The following ATP8A2 variants were observed in gnomAD, a reference collection of about 807,000 sequenced individuals.
ATP8A2 encodes the protein ATPase phospholipid transporting 8A2.
In ATP8A2, 100 loss-of-function variants were observed where a neutral mutation model predicts 165.6. The ratio of observed to expected loss-of-function variants is 0.60; its 90% CI spans 0.51 to 0.71. The LOEUF (loss-of-function observed/expected upper bound fraction) is 0.71. Ranked by LOEUF, ATP8A2 falls within the 30% of genes least tolerant of loss-of-function variation. The pLI is 0.00. For missense variants in ATP8A2, 1,227 were observed against 1,479.5 expected, an observed-to-expected ratio of 0.83 and a Z score of 2.80; for synonymous variants, 543 against 548.8, an observed-to-expected ratio of 0.99 and a Z score of 0.15.
chr13:25,429,279 A>G (rs1263260423), intron 1 of ATP8A2, among the ~76,000 whole-genome samples: 1 of 149,204 alleles, frequency 6.7e-6, no homozygotes, highest in Non-Finnish European at 1.5e-5. Context: ...CTGAGGCAGG[A>G]GAATTGCTGG....
In ATP8A2 at chr13:25,750,304, A is replaced by G. The variant is rs1356203578; in HGVS notation, c.2385-18742A>G. 1.3e-5 allele frequency among the ~76,000 whole-genome samples: 2 copies of G among 152,174 alleles called. No individual in the cohort carries two copies. The highest frequency in any genetic ancestry group is 2.9e-5 in the Non-Finnish European group (2 of 68,034). On this transcript the variant is annotated intron_variant, in intron 25 of 36. Coordinates refer to ENST00000381655, the MANE Select transcript of ATP8A2 (RefSeq NM_016529.6). This position sits in a 1 kb window ranked among gnomAD's most constrained non-coding sequence, Gnocchi z 4.3. The stretch of plus-strand genomic sequence containing the variant: ...GAGTTTTCAGGAGACCAAATAAAAT[A>G]GTACACATCTGTGTGTAGTTACCAA...
chr13:25,585,114 G>T (rs2138265030), intron 23 of ATP8A2, among the ~76,000 whole-genome samples: 1 of 152,320 alleles, frequency 6.6e-6, no homozygotes, highest in African/African-American at 2.4e-5. Flanking sequence ...CCAGTGAATT[G>T]TATGTAGATA....
intron 25 of ATP8A2, among the ~76,000 whole-genome samples, chr13:25,751,555 GC>G (rs2044154092): frequency 6.6e-6 from 1 of 152,040 alleles, no homozygotes; most frequent in African/African-American, 2.4e-5. Flanking sequence ...TCCTGCCTCA[GC>G]CTCCTGAGTA....
intron 25 of ATP8A2, among the ~76,000 whole-genome samples, chr13:25,753,143 G>A (rs1440079204): frequency 6.6e-6 from 1 of 152,152 alleles, no homozygotes; most frequent in Non-Finnish European, 1.5e-5. Context: ...GGCATGGGGC[G>A]CTGCTGATCA....
chr13:25,692,355 A>G (rs564131278), intron 24 of ATP8A2, among the ~76,000 whole-genome samples: 1 of 152,286 alleles, frequency 6.6e-6, no homozygotes, highest in South Asian at 2.1e-4. Flanking sequence ...CAGGACATCA[A>G]AGTGAGGGCT....
intron 27 of ATP8A2, among the ~76,000 whole-genome samples, chr13:25,802,106 T>C (rs940935717): frequency 6.6e-6 from 1 of 152,208 alleles, no homozygotes; most frequent in Non-Finnish European, 1.5e-5. Context: ...CATGGTAACC[T>C]ACGTTAGAGA....
intron 35 of ATP8A2, among the ~76,000 whole-genome samples, chr13:25,993,917 C>T (rs1278816064): frequency 6.6e-6 from 1 of 152,124 alleles, no homozygotes; most frequent in African/African-American, 2.4e-5. Context: ...ATCTGTATAT[C>T]AATTTGGAGA....
At chr13:25,464,915 C>G in intron 1 of ATP8A2, among the ~76,000 whole-genome samples, 1 of 152,348 alleles carries the variant, frequency 6.6e-6, no homozygotes, top group South Asian at 2.1e-4. Flanking sequence ...TCTGCCCTCA[C>G]GGCCTTGACC....
intron 24 of ATP8A2, among the ~76,000 whole-genome samples, chr13:25,638,580 A>G (rs2137551555): frequency 6.6e-6 from 1 of 152,344 alleles, no homozygotes; most frequent in Non-Finnish European, 1.5e-5. Context: ...AGAAACTATC[A>G]GAGCCCCCAA....
At chr13:25,387,633 C>T in intron 1 of ATP8A2, among the ~76,000 whole-genome samples, 1 of 152,098 alleles carries the variant, frequency 6.6e-6, no homozygotes, top group Non-Finnish European at 1.5e-5. Flanking sequence ...GTGACTGGAA[C>T]ATTATTTAGA....
intron 30 of ATP8A2, among the ~76,000 whole-genome samples, chr13:25,852,125 T>G (rs749766268): frequency 4.6e-5 from 7 of 152,202 alleles, no homozygotes; most frequent in Admixed American, 6.5e-5. Flanking sequence ...GTCTTCAGTG[T>G]ATGTTCTCTG....
At chr13:25,652,390 T>A (rs1301843040) in intron 24 of ATP8A2, among the ~76,000 whole-genome samples, 1 of 152,196 alleles carries the variant, frequency 6.6e-6, no homozygotes, top group Non-Finnish European at 1.5e-5. Flanking sequence ...TGTGGCTCAT[T>A]GGTTCTATTA....
intron 24 of ATP8A2, among the ~76,000 whole-genome samples, chr13:25,668,782 C>T (rs769783509): frequency 1.3e-5 from 2 of 152,082 alleles, no homozygotes; most frequent in African/African-American, 2.4e-5. Context: ...AGTATCTTCA[C>T]ATTTGCTGAG....
intron 2 of ATP8A2, among the ~76,000 whole-genome samples, chr13:25,482,169 C>T (rs1183131154): frequency 6.6e-6 from 1 of 152,264 alleles, no homozygotes; most frequent in African/African-American, 2.4e-5. Context: ...CACTTGGAAG[C>T]CACCTGCTTT....
intron 24 of ATP8A2, among the ~76,000 whole-genome samples, chr13:25,656,181 G>C (rs1196194803): frequency 6.6e-6 from 1 of 152,160 alleles, no homozygotes; most frequent in East Asian, 1.9e-4. Flanking sequence ...GTTTACACAC[G>C]TAAATGCATG....
At chr13:25,717,936 A>T (rs1409188455) in intron 25 of ATP8A2, among the ~76,000 whole-genome samples, 2 of 152,124 alleles carry the variant, frequency 1.3e-5, no homozygotes, top group Admixed American at 1.3e-4. Context: ...TTACTACATT[A>T]TGTGTTTTTT....
intron 23 of ATP8A2, among the ~76,000 whole-genome samples, chr13:25,586,741 C>T (rs2039932449): frequency 1.3e-5 from 2 of 152,248 alleles, no homozygotes; most frequent in South Asian, 2.1e-4. Flanking sequence ...TGGAAGGATA[C>T]ATTGTTCCTG....
intron 2 of ATP8A2, among the ~76,000 whole-genome samples, chr13:25,515,446 G>A (rs1478960348): frequency 6.6e-6 from 1 of 152,326 alleles, no homozygotes; most frequent in Non-Finnish European, 1.5e-5. Flanking sequence ...TTCCTGCCTC[G>A]CAGGCCAGGG....
At chr13:25,811,180 G>A (rs1392765108) in intron 27 of ATP8A2, among the ~76,000 whole-genome samples, 1 of 152,102 alleles carries the variant, frequency 6.6e-6, no homozygotes, top group Non-Finnish European at 1.5e-5. Context: ...TGAGTGGGAT[G>A]TAATCACATG....
Sources: allele counts gnomAD v4.1 joint callset (sites outside exome capture counted in the v4.1 genomes callset), GRCh38; gene constraint gnomAD v4.1.1; non-coding constraint Gnocchi (gnomAD v3.1); transcripts MANE v1.5; gene names NCBI Gene and HGNC (gene_info 2026-07-23, HGNC 2026-07-21).